Variants in PTPRO observed in about 807,000 individuals in gnomAD.
PTPRO encodes receptor-type tyrosine-protein phosphatase O.
PTPRO carries 62 observed loss-of-function variants against 145.2 expected under a neutral mutation model. The observed-to-expected ratio is 0.43, with a 90% CI of 0.35 to 0.53. The LOEUF is 0.53. Among genes scored for constraint, PTPRO ranks in the 20% least tolerant of loss-of-function variants. PTPRO has a pLI of 0.01. For synonymous variants in PTPRO, 565 were observed against 514.7 expected (o/e 1.10, Z -1.32); for missense variants, 1,345 against 1,482.7 (o/e 0.91, Z 1.53).
Position 15,385,811 on chromosome 12 carries a change from CAA to C in PTPRO, c.75+63031_75+63032del, listed in dbSNP as rs761750012. ...TGGGTGACAGAGCAAGACTCCATCTCAAAAAAAAAAAAAAAAAAAAAAGAAGA... is the reference window on the plus strand; with the variant it reads ...TGGGTGACAGAGCAAGACTCCATCTCAAAAAAAAAAAAAAAAAAAAGAAGA... On this transcript the variant is annotated intron_variant, in intron 1 of 26. Coordinates refer to ENST00000281171, the MANE Select transcript of PTPRO (RefSeq NM_030667.3). 1.6e-3 allele frequency among the ~76,000 whole-genome samples: 61 copies of C among 37,092 alleles called. No homozygotes were observed. The East Asian group carries it at 0.032, about 19-fold the overall frequency. 24.3% of individuals were successfully genotyped at this position (37,092 alleles called of 152,430 possible). A position where few individuals can be genotyped will look rare whatever the true frequency, so the allele number is the denominator to read the frequency against.
chr12:15,426,010 T>A (rs1308823674), intron 1 of PTPRO, among the ~76,000 whole-genome samples: 1 of 151,514 alleles, frequency 6.6e-6, no homozygotes, highest in Non-Finnish European at 1.5e-5. Context: ...AAAATTAATT[T>A]GAAGAAAACT....
chr12:15,481,528 C>A (rs547176323), intron 1 of PTPRO, among the ~76,000 whole-genome samples: 1 of 152,306 alleles, frequency 6.6e-6, no homozygotes, highest in Admixed American at 6.5e-5. Flanking sequence ...CAATGCCTAT[C>A]TCATATTACA....
chr12:15,445,786 AT>A (rs1940886337), intron 1 of PTPRO, among the ~76,000 whole-genome samples: 1 of 152,144 alleles, frequency 6.6e-6, no homozygotes, highest in Non-Finnish European at 1.5e-5. Context: ...TTTCTACTTG[AT>A]TTCCTTATTG....
intron 1 of PTPRO, among the ~76,000 whole-genome samples, chr12:15,394,247 G>A (rs1266228212): frequency 6.6e-6 from 1 of 152,082 alleles, no homozygotes; most frequent in Non-Finnish European, 1.5e-5. Flanking sequence ...AATGATGAAA[G>A]TCCCAAAGAC....
intron 12 of PTPRO, among the ~76,000 whole-genome samples, chr12:15,535,703 C>G (rs939358018): frequency 2.0e-5 from 3 of 152,156 alleles, no homozygotes; most frequent in Non-Finnish European, 4.4e-5. Context: ...TGGGGTGTGG[C>G]CTTTTTCCTT....
intron 1 of PTPRO, among the ~76,000 whole-genome samples, chr12:15,401,610 G>A (rs1433790559): frequency 6.6e-6 from 1 of 152,094 alleles, no homozygotes; most frequent in Non-Finnish European, 1.5e-5. Flanking sequence ...CACAACATAT[G>A]GAGTAGACAT....
At position 15,322,875 on chromosome 12, in the gene PTPRO, T is replaced by C. The variant is rs1208396626; in HGVS notation, c.75+74T>C. The C allele has an allele frequency of 8.0e-6, 12 of 1,490,962 alleles. No individual in the cohort carries two copies. The highest frequency in any genetic ancestry group is 2.4e-5 in the East Asian group (1 of 40,946). 92.4% of individuals were successfully genotyped at this position (1,490,962 alleles called of 1,614,324 possible). A position where few individuals can be genotyped will look rare whatever the true frequency, so the allele number is the denominator to read the frequency against. ...GCGCTCCGGCGCCCTCGCTCTGCCG[T>C]TGGGAGCGGCGCGCCCCAGGGCACG... On this transcript the variant is annotated intron_variant, in intron 1 of 26. Transcript: ENST00000281171. This position sits in a 1 kb window ranked among gnomAD's most constrained non-coding sequence, Gnocchi z 6.3.
intron 17 of PTPRO, among the ~76,000 whole-genome samples, chr12:15,562,725 A>G (rs1250218496): frequency 6.8e-6 from 1 of 146,714 alleles, no homozygotes; most frequent in African/African-American, 2.5e-5. Context: ...AGCTATATCT[A>G]GATTCAGTGT....
At chr12:15,465,901 AT>A (rs1283799894) in intron 1 of PTPRO, among the ~76,000 whole-genome samples, 3 of 152,134 alleles carry the variant, frequency 2.0e-5, no homozygotes, top group Non-Finnish European at 2.9e-5. Flanking sequence ...AAGAAACCCC[AT>A]GGTTTTTTTT....
intron 1 of PTPRO, among the ~76,000 whole-genome samples, chr12:15,399,277 A>G (rs901756693): frequency 6.6e-6 from 1 of 152,232 alleles, no homozygotes; most frequent in South Asian, 2.1e-4. Context: ...AGCTTTTTAC[A>G]TATATTAACA....
chr12:15,522,056 T>C (rs997219648), intron 10 of PTPRO, among the ~76,000 whole-genome samples: 2 of 152,158 alleles, frequency 1.3e-5, no homozygotes, highest in Non-Finnish European at 2.9e-5. Flanking sequence ...CTCAGCATAT[T>C]GACAGAGATG....
At chr12:15,530,523 T>C (rs1019329523) in intron 12 of PTPRO, among the ~76,000 whole-genome samples, 7 of 152,184 alleles carry the variant, frequency 4.6e-5, no homozygotes, top group Non-Finnish European at 7.4e-5. Context: ...TCATATCAAG[T>C]ATCTTTTCTG....
intron 24 of PTPRO, among the ~76,000 whole-genome samples, chr12:15,588,518 G>A (rs761718152): frequency 3.3e-5 from 5 of 152,178 alleles, no homozygotes; most frequent in Non-Finnish European, 7.3e-5. Flanking sequence ...ATTGGGATTG[G>A]GGGACTGGCT....
At chr12:15,338,981 TAAC>T (rs1248690129) in intron 1 of PTPRO, among the ~76,000 whole-genome samples, 4 of 151,986 alleles carry the variant, frequency 2.6e-5, no homozygotes, top group African/African-American at 4.8e-5. Context: ...CAAGTGAAAA[TAAC>T]AAACATGTAA....
At chr12:15,356,287 AC>A (rs1317178453) in intron 1 of PTPRO, among the ~76,000 whole-genome samples, 1 of 152,210 alleles carries the variant, frequency 6.6e-6, no homozygotes. Context: ...GAAATGCTCT[AC>A]ATAAGTGAAT....
At chr12:15,461,514 T>G (rs796425450) in intron 1 of PTPRO, among the ~76,000 whole-genome samples, 1 of 150,620 alleles carries the variant, frequency 6.6e-6, no homozygotes, top group Non-Finnish European at 1.5e-5. Context: ...AACATCTTCA[T>G]CTCCTCCCCC....
At position 15,322,841 on chromosome 12, in the gene PTPRO, G is replaced by A; in HGVS notation, c.75+40G>A. On this transcript the variant is annotated intron_variant, in intron 1 of 26. Transcript: ENST00000281171. The surrounding 1 kb of genome is among the most constrained non-coding windows in gnomAD (Gnocchi z 6.3). ...CCACCCCTTTTTCCCAGCGGTCCGGGCGGCAGCCGCGCTCCGGCGCCCTCG... is the reference window on the plus strand; with the variant it reads ...CCACCCCTTTTTCCCAGCGGTCCGGACGGCAGCCGCGCTCCGGCGCCCTCG... 6.3e-7 allele frequency: 1 copy of A among 1,587,514 alleles called. No individual in the cohort carries two copies. The highest frequency in any genetic ancestry group is 8.6e-7 in the Non-Finnish European group (1 of 1,166,072).
At chr12:15,477,775 C>T (rs957948584) in intron 1 of PTPRO, among the ~76,000 whole-genome samples, 6 of 152,138 alleles carry the variant, frequency 3.9e-5, no homozygotes, top group Non-Finnish European at 8.8e-5. Flanking sequence ...TTGGGTCTGT[C>T]CATCATAAGC....
At position 15,515,592 on chromosome 12, in the gene PTPRO, C is replaced by A; in HGVS notation, c.1559C>A (p.Pro520His). ...YLRKGPLIGP[P>H]SDPVTFAIVP... ...AGGAAAGGCCCTTTGATTGGACCAC[C>A]TTCAGATCCTGTGACATTTGCTATT... Residue 520 changes from proline to histidine, a missense_variant, in exon 8 of 27, where the codon CCT becomes CAT. Pro to His is a moderately conservative substitution (Grantham distance 77). Coordinates refer to ENST00000281171, the MANE Select transcript of PTPRO (RefSeq NM_030667.3). The A allele has an allele frequency of 6.2e-7, 1 of 1,614,030 alleles. No individual in the cohort carries two copies. Among genetic ancestry groups the A allele is most frequent in the Non-Finnish European group, 8.5e-7 (1 of 1,179,980 alleles).
Sources: allele counts gnomAD v4.1 joint callset (sites outside exome capture counted in the v4.1 genomes callset), GRCh38; gene constraint gnomAD v4.1.1; non-coding constraint Gnocchi (gnomAD v3.1); transcripts MANE v1.5; gene names NCBI Gene and HGNC (gene_info 2026-07-23, HGNC 2026-07-21).